The following CFAP299 variants were observed in gnomAD, a reference collection of about 807,000 sequenced individuals.
CFAP299 encodes cilia- and flagella-associated protein 299.
In CFAP299, 21 loss-of-function variants were observed where a neutral mutation model predicts 27.0. That is an observed-to-expected ratio of 0.78 (90% CI 0.55 to 1.12). The LOEUF (loss-of-function observed/expected upper bound fraction) is 1.12. Among genes scored for constraint, CFAP299 ranks in the 50% most tolerant of loss-of-function variants. The pLI is 0.00. For synonymous variants in CFAP299, 104 were observed against 98.1 expected, an observed-to-expected ratio of 1.06 and a Z score of -0.36; for missense variants, 310 against 276.6, an observed-to-expected ratio of 1.12 and a Z score of -0.86.
At chr4:80,781,039 T>C (rs1158928948) in intron 3 of CFAP299, among the ~76,000 whole-genome samples, 1 of 151,964 alleles carries the variant, frequency 6.6e-6, no homozygotes, top group Non-Finnish European at 1.5e-5. Flanking sequence ...GATAACATTA[T>C]TACACCTCAT....
At chr4:80,790,327 G>A (rs532906049) in intron 3 of CFAP299, 6 of 152,086 alleles carry the variant, frequency 3.9e-5, no homozygotes, top group Admixed American at 3.9e-4. Context: ...ACCCTCAAAG[G>A]TCTGAAAGTC....
intron 3 of CFAP299, among the ~76,000 whole-genome samples, chr4:80,725,040 G>A (rs571083365): frequency 2.7e-5 from 4 of 150,374 alleles, no homozygotes; most frequent in Admixed American, 1.3e-4. Flanking sequence ...TGCCTCCCAG[G>A]TTCAGGCGAT....
At chr4:80,669,159 T>A (rs1741322448) in intron 3 of CFAP299, among the ~76,000 whole-genome samples, 1 of 119,464 alleles carries the variant, frequency 8.4e-6, no homozygotes, top group Non-Finnish European at 1.7e-5. Flanking sequence ...CTTTTTTTTT[T>A]TTTTTTTTTT....
chr4:80,400,264 GT>G (rs1465188202), intron 2 of CFAP299, among the ~76,000 whole-genome samples: 1 of 152,060 alleles, frequency 6.6e-6, no homozygotes. Flanking sequence ...CTGGGGAGGA[GT>G]TTAGATGTTT....
intron 2 of CFAP299, among the ~76,000 whole-genome samples, chr4:80,562,467 G>C (rs956407730): frequency 6.6e-6 from 1 of 151,536 alleles, no homozygotes; most frequent in African/African-American, 2.4e-5. Flanking sequence ...GTGTAGTGGC[G>C]GGTGCCCGTA....
intron 4 of CFAP299, among the ~76,000 whole-genome samples, chr4:80,896,650 T>C (rs1305855903): frequency 6.6e-6 from 1 of 152,114 alleles, no homozygotes; most frequent in African/African-American, 2.4e-5. Context: ...TGAATGATAG[T>C]TTTTCTCTGC....
chr4:80,603,758 A>G (rs893127004), intron 3 of CFAP299, among the ~76,000 whole-genome samples: 2 of 152,192 alleles, frequency 1.3e-5, no homozygotes, highest in African/African-American at 4.8e-5. Context: ...AATACTGTAC[A>G]AATATTAATA....
chr4:80,538,220 T>C (rs1733835582), intron 2 of CFAP299, among the ~76,000 whole-genome samples: 1 of 152,100 alleles, frequency 6.6e-6, no homozygotes, highest in African/African-American at 2.4e-5. Flanking sequence ...AATTAAATCT[T>C]AAAAAATACA....
intron 3 of CFAP299, among the ~76,000 whole-genome samples, chr4:80,662,327 T>G (rs1560684375): frequency 6.6e-6 from 1 of 152,078 alleles, no homozygotes; most frequent in Non-Finnish European, 1.5e-5. Flanking sequence ...TCTTTTGTAC[T>G]CTGTCCCTTT....
intron 3 of CFAP299, among the ~76,000 whole-genome samples, chr4:80,753,760 T>G (rs1246886271): frequency 6.6e-6 from 1 of 152,150 alleles, no homozygotes. Flanking sequence ...TTCTGCTATG[T>G]CAAATCTAAC....
At chr4:80,453,983 G>T (rs1729025463) in intron 2 of CFAP299, among the ~76,000 whole-genome samples, 1 of 151,914 alleles carries the variant, frequency 6.6e-6, no homozygotes, top group Non-Finnish European at 1.5e-5. Flanking sequence ...ATTGGTTTAA[G>T]ATAGCATACT....
At chr4:80,918,295 A>G (rs929892783) in intron 4 of CFAP299, among the ~76,000 whole-genome samples, 9 of 152,174 alleles carry the variant, frequency 5.9e-5, no homozygotes, top group Non-Finnish European at 1.0e-4. Flanking sequence ...ATAAACTTCT[A>G]GTTCACATGG....
At chr4:80,940,630 C>T (rs910980442) in intron 4 of CFAP299, among the ~76,000 whole-genome samples, 1 of 152,252 alleles carries the variant, frequency 6.6e-6, no homozygotes, top group Non-Finnish European at 1.5e-5. Context: ...TCTCTTATTC[C>T]ATTATCTTGC....
At chr4:80,763,624 C>A (rs968003450) in intron 3 of CFAP299, among the ~76,000 whole-genome samples, 4 of 151,982 alleles carry the variant, frequency 2.6e-5, no homozygotes, top group African/African-American at 9.7e-5. Context: ...TTGTATGGAA[C>A]CAAAAAAGAG....
Position 80,513,357 on chromosome 4 carries a change from G to T in CFAP299, c.243-69736G>T, listed in dbSNP as rs180839143. 1.4e-3 allele frequency among the ~76,000 whole-genome samples: 218 copies of T among 152,184 alleles called. 1 individual carries two copies. The highest frequency in any genetic ancestry group is 3.9e-3 in the Admixed American group (60 of 15,282). ...AACTTCTGGCTGGTCATTCTTACTT[G>T]TTTGCTGTATAACACAGTCCTTCAA... On this transcript the variant is annotated intron_variant, in intron 2 of 5. Transcript: ENST00000358105.
In CFAP299 at chr4:80,371,433, G is replaced by A. The variant is rs114190298; in HGVS notation, c.242+8549G>A. Among the ~76,000 whole-genome samples the A allele has an allele frequency of 2.9e-3, 448 of 152,170 alleles. 7 individuals carry two copies. The highest frequency in any genetic ancestry group is 0.01 in the East Asian group (54 of 5,174). On this transcript the variant is annotated intron_variant, in intron 2 of 5. Coordinates refer to ENST00000358105, the MANE Select transcript of CFAP299 (RefSeq NM_152770.3). ...GCTTGGATTTCTCCCCCCAAAATGA[G>A]TTTTTCTTTTCTATCACATGGCTAG...
At chr4:80,358,845 A>C (rs142968377) in intron 1 of CFAP299, among the ~76,000 whole-genome samples, 16 of 152,246 alleles carry the variant, frequency 1.1e-4, no homozygotes, top group African/African-American at 3.6e-4. Context: ...ATATGTGTGG[A>C]TTTGATCCTG....
At chr4:80,758,237 G>T (rs193039813) in intron 3 of CFAP299, among the ~76,000 whole-genome samples, 1 of 152,168 alleles carries the variant, frequency 6.6e-6, no homozygotes, top group African/African-American at 2.4e-5. Context: ...TGGCTTTCAG[G>T]GGGCAGGGGA....
intron 3 of CFAP299, among the ~76,000 whole-genome samples, chr4:80,701,603 A>G (rs1014882522): frequency 5.3e-5 from 8 of 151,902 alleles, no homozygotes; most frequent in African/African-American, 1.4e-4. Flanking sequence ...TGGTGTCTCT[A>G]TTATTTTTCC....
Sources: gnomAD v4.1 joint callset for allele counts (sites outside exome capture counted in the v4.1 genomes callset) on GRCh38, gnomAD v4.1.1 for gene constraint, MANE v1.5 for transcripts, NCBI Gene and HGNC (gene_info 2026-07-23, HGNC 2026-07-21) for gene names.